The following SLC35F1 variants were observed in gnomAD, a reference collection of about 807,000 sequenced individuals.
SLC35F1 encodes solute carrier family 35 member F1.
Under a neutral mutation model 48.7 loss-of-function variants are expected in SLC35F1, and 14 were observed. The ratio of observed to expected loss-of-function variants is 0.29; its 90% CI spans 0.19 to 0.45. The LOEUF (loss-of-function observed/expected upper bound fraction) is 0.45. SLC35F1 is among the 20% of genes least tolerant of loss of function. The probability of loss-of-function intolerance (pLI) is 1.00; values close to 1 mark genes in which losing one functional copy is unlikely to be tolerated. For missense variants in SLC35F1, 404 were observed against 500.0 expected (o/e 0.81, Z 1.83); for synonymous variants, 190 against 202.2 (o/e 0.94, Z 0.51).
At position 118,128,591 on chromosome 6, in the gene SLC35F1, C is replaced by T. The variant is rs1341794117; in HGVS notation, c.174-25854C>T. ...AAACCAAACACCGCATGTTCTCACT[C>T]ATAGATGGGAATTGAACAATGAGAA... On this transcript the variant is annotated intron_variant, in intron 1 of 7. Coordinates refer to ENST00000360388, the MANE Select transcript of SLC35F1 (RefSeq NM_001029858.4). 2.0e-5 allele frequency among the ~76,000 whole-genome samples: 3 copies of T among 151,786 alleles called. No homozygotes were observed. The East Asian group carries it at 5.8e-4, about 29-fold the overall frequency.
chr6:118,119,302 A>G (rs1259555154), intron 1 of SLC35F1, among the ~76,000 whole-genome samples: 1 of 152,198 alleles, frequency 6.6e-6, no homozygotes, highest in African/African-American at 2.4e-5. Flanking sequence ...CTAGTCTACA[A>G]TAATGCTGTC....
intron 2 of SLC35F1, among the ~76,000 whole-genome samples, chr6:118,212,743 G>GAAGGAAGT: frequency 8.5e-6 from 1 of 117,204 alleles, no homozygotes; most frequent in East Asian, 2.2e-4. Context: ...AGGAAGGAAG[G>GAAGGAAGT]AAGGAAGGAA....
chr6:117,993,710 G>C (rs1384385206), intron 1 of SLC35F1, among the ~76,000 whole-genome samples: 1 of 152,102 alleles, frequency 6.6e-6, no homozygotes, highest in Non-Finnish European at 1.5e-5. Flanking sequence ...TCTGACAGTT[G>C]TCTTCCTGCT....
intron 1 of SLC35F1, among the ~76,000 whole-genome samples, chr6:118,035,682 ATTTTTTTTT>A (rs745704672): frequency 3.4e-5 from 3 of 87,302 alleles, no homozygotes; most frequent in Admixed American, 1.6e-4. Flanking sequence ...GGCTTTGTTA[ATTTTTTTTT>A]TTTTTTTTTT....
intron 2 of SLC35F1, among the ~76,000 whole-genome samples, chr6:118,219,473 C>T (rs997183948): frequency 5.9e-5 from 9 of 152,156 alleles, no homozygotes; most frequent in Non-Finnish European, 5.9e-5. Flanking sequence ...TCACATCTCA[C>T]ACCAGTTAGA....
At chr6:118,106,212 C>G (rs1429301403) in intron 1 of SLC35F1, among the ~76,000 whole-genome samples, 2 of 152,190 alleles carry the variant, frequency 1.3e-5, no homozygotes, top group Non-Finnish European at 1.5e-5. Flanking sequence ...AATGACCCCT[C>G]TTCCTAATCT....
chr6:117,924,840 G>A (rs375576246), intron 1 of SLC35F1, among the ~76,000 whole-genome samples: 3 of 152,248 alleles, frequency 2.0e-5, no homozygotes, highest in Non-Finnish European at 2.9e-5. Context: ...TATTGCCTCT[G>A]TGCAGGGTTG....
At chr6:118,228,245 T>A (rs1260750551) in intron 2 of SLC35F1, among the ~76,000 whole-genome samples, 1 of 152,222 alleles carries the variant, frequency 6.6e-6, no homozygotes, top group Non-Finnish European at 1.5e-5. Context: ...ATCGTTCTCA[T>A]GAACAATTTA....
intron 6 of SLC35F1, 84 bp from the exon 7 acceptor site, chr6:118,285,100 A>C: frequency 1.4e-6 from 2 of 1,458,596 alleles, no homozygotes; most frequent in African/African-American, 1.4e-5. Flanking sequence ...AGTGGTGTGC[A>C]CTCTTCCCCT....
chr6:118,077,397 C>T (rs1220048393), intron 1 of SLC35F1, among the ~76,000 whole-genome samples: 1 of 152,202 alleles, frequency 6.6e-6, no homozygotes, highest in Non-Finnish European at 1.5e-5. Context: ...AAAATGGACA[C>T]TACAGTTTGA....
intron 3 of SLC35F1, among the ~76,000 whole-genome samples, chr6:118,237,188 T>G (rs4945618): frequency 0.37 from 56,056 of 151,950 alleles, 10,734 homozygotes; most frequent in East Asian, 0.67. Flanking sequence ...AATTTATAAA[T>G]CTACCTGGTA....
chr6:118,088,782 T>C (rs375324121), intron 1 of SLC35F1, among the ~76,000 whole-genome samples: 2 of 152,108 alleles, frequency 1.3e-5, no homozygotes, highest in Non-Finnish European at 2.9e-5. Context: ...CCATGCATCA[T>C]TGCATAAAGA....
chr6:118,020,017 T>A (rs931182366), intron 1 of SLC35F1, among the ~76,000 whole-genome samples: 1 of 152,232 alleles, frequency 6.6e-6, no homozygotes, highest in Non-Finnish European at 1.5e-5. Flanking sequence ...GTGATACTCT[T>A]CAGATAAGTT....
chr6:118,314,083 A>C lies in SLC35F1; in HGVS notation c.1058A>C (p.Tyr353Ser). Residue 353 changes from tyrosine (Y) to serine (S), a missense_variant, in exon 8 of 8, where the codon TAC becomes TCC. By Grantham distance (144) the Tyr-to-Ser change is moderately radical. Coordinates refer to ENST00000360388, the MANE Select transcript of SLC35F1 (RefSeq NM_001029858.4). ...FFTILIGLVL[Y>S]SSTSTYIAQD... ...ACCATCCTCATTGGGCTGGTGCTCT[A>C]CTCCTCCACCTCCACCTACATAGCC... 6.2e-7 allele frequency: 1 copy of C among 1,613,266 alleles called. No individual in the cohort carries two copies. The highest frequency in any genetic ancestry group is 2.2e-5 in the East Asian group (1 of 44,838).
At chr6:118,258,132 C>G (rs1434535122) in intron 3 of SLC35F1, among the ~76,000 whole-genome samples, 1 of 152,098 alleles carries the variant, frequency 6.6e-6, no homozygotes, top group Non-Finnish European at 1.5e-5. Context: ...TCCTGCACTT[C>G]TGGGCAAAGC....
At position 117,999,297 on chromosome 6, in the gene SLC35F1, C is replaced by G. The variant is rs971211567; in HGVS notation, c.173+91398C>G. On this transcript the variant is annotated intron_variant, in intron 1 of 7. Transcript: ENST00000360388. ...GCCCACCCCAAGCTTGGGAAGCGTG[C>G]TCTTGCCCGTATTGCCAAGGGGCTC... 7 of 1,595,890 alleles carry G rather than the reference C, an allele frequency of 4.4e-6. No individual in the cohort carries two copies. In the East Asian group the frequency reaches 1.6e-4, roughly 36 times the overall value.
At chr6:118,196,859 T>C (rs1239508742) in intron 2 of SLC35F1, among the ~76,000 whole-genome samples, 1 of 152,178 alleles carries the variant, frequency 6.6e-6, no homozygotes, top group Non-Finnish European at 1.5e-5. Flanking sequence ...TTTTAGTTGA[T>C]TTTTTGTACA....
rs941352907 is a variant in SLC35F1 at position 118,314,488 on chromosome 6, C to T, written c.*236C>T. 8.2e-5 allele frequency: 43 copies of T among 524,320 alleles called. No homozygotes were observed. Among genetic ancestry groups the T allele is most frequent in the Admixed American group, 1.2e-4 (4 of 32,078 alleles). 32.5% of individuals were successfully genotyped at this position (524,320 alleles called of 1,614,324 possible). On this transcript the variant is annotated 3_prime_UTR_variant, in exon 8 of 8. Transcript: ENST00000360388. ...TAACGTGTATCCTGATCACAACTCCCCTGCATTCATTACTGTGAAAATTTT... is the reference window on the plus strand; with the variant it reads ...TAACGTGTATCCTGATCACAACTCCTCTGCATTCATTACTGTGAAAATTTT...
intron 1 of SLC35F1, among the ~76,000 whole-genome samples, chr6:118,110,861 T>C (rs1773388954): frequency 6.6e-6 from 1 of 151,946 alleles, no homozygotes; most frequent in Non-Finnish European, 1.5e-5. Context: ...AATTGGGTAT[T>C]TCCCTTCCCC....
Sources: gnomAD v4.1 joint callset for allele counts (sites outside exome capture counted in the v4.1 genomes callset) on GRCh38, gnomAD v4.1.1 for gene constraint, MANE v1.5 for transcripts, NCBI Gene and HGNC (gene_info 2026-07-23, HGNC 2026-07-21) for gene names.